The following KCTD8 variants were observed in gnomAD, a reference collection of about 807,000 sequenced individuals.
KCTD8 encodes the protein potassium channel tetramerization domain containing 8.
In KCTD8, 27 loss-of-function variants were observed where a neutral mutation model predicts 31.5. That is an observed-to-expected ratio of 0.86 (90% CI 0.63 to 1.18). The LOEUF is 1.18. KCTD8 is among the 50% of genes most tolerant of loss of function. The pLI is 0.00. For missense variants in KCTD8, 658 were observed against 647.7 expected, an observed-to-expected ratio of 1.02 and a Z score of -0.17; for synonymous variants, 290 against 280.0, an observed-to-expected ratio of 1.04 and a Z score of -0.36.
intron 1 of KCTD8, among the ~76,000 whole-genome samples, chr4:44,442,577 C>T (rs1721840549): frequency 6.6e-6 from 1 of 152,028 alleles, no homozygotes; most frequent in African/African-American, 2.4e-5. Flanking sequence ...CAGAGCAAAA[C>T]TCTGTCTCAA....
At chr4:44,335,739 T>C (rs1718722464) in intron 1 of KCTD8, among the ~76,000 whole-genome samples, 2 of 152,162 alleles carry the variant, frequency 1.3e-5, no homozygotes, top group Non-Finnish European at 2.9e-5. Context: ...ACCCCTGTTA[T>C]ATTTACAATA....
At chr4:44,252,781 A>T (rs1431441451) in intron 1 of KCTD8, among the ~76,000 whole-genome samples, 2 of 151,738 alleles carry the variant, frequency 1.3e-5, no homozygotes, top group Non-Finnish European at 2.9e-5. Context: ...AATCACACAT[A>T]AATGTCTTAT....
At chr4:44,317,196 A>ACATTTGTTT (rs1346910773) in intron 1 of KCTD8, among the ~76,000 whole-genome samples, 2 of 143,784 alleles carry the variant, frequency 1.4e-5, no homozygotes, top group Admixed American at 7.0e-5. Flanking sequence ...AGAACCATGC[A>ACATTTGTTT]CATTTGTTTA....
chr4:44,258,955 T>C (rs1486176509), intron 1 of KCTD8, among the ~76,000 whole-genome samples: 1 of 151,856 alleles, frequency 6.6e-6, no homozygotes, highest in African/African-American at 2.4e-5. Flanking sequence ...TTGGTGTAAA[T>C]ACCTGGCACA....
chr4:44,404,801 G>A (rs751116344), intron 1 of KCTD8, among the ~76,000 whole-genome samples: 14 of 152,058 alleles, frequency 9.2e-5, no homozygotes, highest in East Asian at 3.9e-4. Flanking sequence ...GTTTAAAATC[G>A]TATAAAAGTA....
chr4:44,178,826 G>C (rs1451862747), intron 1 of KCTD8, among the ~76,000 whole-genome samples: 2 of 152,156 alleles, frequency 1.3e-5, no homozygotes, highest in African/African-American at 2.4e-5. Context: ...TAACATTTGT[G>C]TCTTGAAAAC....
chr4:44,430,424 T>C (rs1425893247), intron 1 of KCTD8, among the ~76,000 whole-genome samples: 1 of 151,738 alleles, frequency 6.6e-6, no homozygotes, highest in Non-Finnish European at 1.5e-5. Context: ...GAAAGAAAGT[T>C]ATATTAGAGT....
chr4:44,438,775 G>A (rs1482263372), intron 1 of KCTD8, among the ~76,000 whole-genome samples: 1 of 152,162 alleles, frequency 6.6e-6, no homozygotes, highest in Non-Finnish European at 1.5e-5. Flanking sequence ...AAATGGGATT[G>A]CCTATGCATT....
At chr4:44,326,251 T>TATA (rs1718441558) in intron 1 of KCTD8, among the ~76,000 whole-genome samples, 1 of 151,224 alleles carries the variant, frequency 6.6e-6, no homozygotes, top group Admixed American at 6.6e-5. Context: ...TATTTTTGCC[T>TATA]TTATGAACAA....
intron 1 of KCTD8, among the ~76,000 whole-genome samples, chr4:44,312,648 A>G (rs946226653): frequency 5.3e-5 from 8 of 152,194 alleles, no homozygotes; most frequent in Non-Finnish European, 1.2e-4. Context: ...GCCACTTTTA[A>G]TACCAAAGTT....
chr4:44,235,428 C>T (rs1243984582), intron 1 of KCTD8, among the ~76,000 whole-genome samples: 5 of 145,816 alleles, frequency 3.4e-5, no homozygotes, highest in Middle Eastern at 3.6e-3. Context: ...TATATACATA[C>T]ATAAACATCT....
intron 1 of KCTD8, among the ~76,000 whole-genome samples, chr4:44,326,718 C>G (rs1718450514): frequency 6.6e-6 from 1 of 151,636 alleles, no homozygotes; most frequent in African/African-American, 2.4e-5. Flanking sequence ...AGTTGTTTGT[C>G]TACTTAGGTT....
At chr4:44,247,818 A>G (rs1039897449) in intron 1 of KCTD8, among the ~76,000 whole-genome samples, 3 of 151,880 alleles carry the variant, frequency 2.0e-5, no homozygotes, top group Admixed American at 1.3e-4. Flanking sequence ...TAAGGCATAT[A>G]TATATAGGCA....
At chr4:44,446,897 A>G (rs1360507984) in intron 1 of KCTD8, among the ~76,000 whole-genome samples, 1 of 152,074 alleles carries the variant, frequency 6.6e-6, no homozygotes, top group Non-Finnish European at 1.5e-5. Context: ...CTGGGCAATT[A>G]GACTGGAGAT....
rs1347779632 is a variant in KCTD8, at chr4:44,448,442, C to A, written c.82G>T (p.Ala28Ser). ...GGCCCCGGGGCGGCGGCGGCCGACG[C>A]GCCGGGCGAGCTGGACGAGGAAACC... ...EMVSSSSSPGASAAAAPGPCA... is the reference protein window; with the variant it reads ...EMVSSSSSPGSSAAAAPGPCA... Residue 28 changes from alanine to serine, a missense_variant, in exon 1 of 2, where the codon GCG (alanine) becomes TCG (serine). Physicochemically the swap from Ala to Ser is moderately conservative, Grantham distance 99. Transcript: ENST00000360029. The surrounding 1 kb of genome is among the most constrained non-coding windows in gnomAD (Gnocchi z 4.1). 3 of 1,546,758 alleles carry A rather than the reference C, an allele frequency of 1.9e-6. No individual in the cohort carries two copies. Among genetic ancestry groups the A allele is most frequent in the Middle Eastern group, 1.9e-4 (1 of 5,292 alleles).
chr4:44,349,172 G>T (rs1719131072), intron 1 of KCTD8, among the ~76,000 whole-genome samples: 1 of 150,586 alleles, frequency 6.6e-6, no homozygotes, highest in African/African-American at 2.4e-5. Context: ...ATGCTTTGCT[G>T]ATCCTAGGAT....
At chr4:44,289,663 C>T (rs1270678954) in intron 1 of KCTD8, among the ~76,000 whole-genome samples, 1 of 152,124 alleles carries the variant, frequency 6.6e-6, no homozygotes, top group Non-Finnish European at 1.5e-5. Context: ...TCCCACAACC[C>T]CCATAGACAT....
chr4:44,402,898 C>T (rs548066963), intron 1 of KCTD8, among the ~76,000 whole-genome samples: 149 of 152,248 alleles, frequency 9.8e-4, no homozygotes, highest in African/African-American at 3.5e-3. Flanking sequence ...TGTTCACTGA[C>T]ACAACTTAGC....
At chr4:44,412,604 T>C (rs925038662) in intron 1 of KCTD8, among the ~76,000 whole-genome samples, 2 of 152,132 alleles carry the variant, frequency 1.3e-5, no homozygotes, top group Admixed American at 1.3e-4. Context: ...TTAAGCCACA[T>C]AGCTTTAAAA....
Sources: allele counts gnomAD v4.1 joint callset (sites outside exome capture counted in the v4.1 genomes callset), GRCh38; gene constraint gnomAD v4.1.1; non-coding constraint Gnocchi (gnomAD v3.1); transcripts MANE v1.5; gene names NCBI Gene and HGNC (gene_info 2026-07-23, HGNC 2026-07-21).